The following SH3BGRL2 variants were observed in gnomAD, a reference collection of about 807,000 sequenced individuals.
SH3BGRL2 encodes SH3 domain binding glutamate rich protein like 2.
A neutral mutation model predicts 14.8 loss-of-function variants in SH3BGRL2; 21 were observed. The ratio of observed to expected loss-of-function variants is 1.42; its 90% CI spans 1.01 to 2.05. The LOEUF is 2.05. Ranked by LOEUF, SH3BGRL2 falls within the 30% of genes most tolerant of loss-of-function variation. The pLI, the probability that SH3BGRL2 is intolerant of heterozygous loss-of-function variation, is 0.00. For synonymous variants in SH3BGRL2, 50 were observed against 47.8 expected, an observed-to-expected ratio of 1.05 and a Z score of -0.19; for missense variants, 147 against 130.8, an observed-to-expected ratio of 1.12 and a Z score of -0.61.
the SH3BGRL2 span, among the ~76,000 whole-genome samples, chr6:79,560,691 A>G: frequency 3.3e-5 from 5 of 152,178 alleles, no homozygotes; most frequent in Non-Finnish European, 7.4e-5. Flanking sequence ...TTCAGTTCAC[A>G]TGGCATATGT....
At chr6:79,673,846 A>G (rs1230252149) in intron 2 of SH3BGRL2, 47 bp downstream of exon 2, 1 of 1,570,550 alleles carries the variant, frequency 6.4e-7, no homozygotes. Context: ...ATTGTTCAGA[A>G]CACATGCCAC....
At chr6:79,688,059 A>G (rs556245752) in intron 2 of SH3BGRL2, among the ~76,000 whole-genome samples, 2 of 152,316 alleles carry the variant, frequency 1.3e-5, no homozygotes, top group African/African-American at 4.8e-5. Flanking sequence ...GAGTGCACAG[A>G]TAATGTCCTT....
At chr6:79,678,760 G>C (rs942478173) in intron 2 of SH3BGRL2, among the ~76,000 whole-genome samples, 26 of 152,214 alleles carry the variant, frequency 1.7e-4, no homozygotes, top group African/African-American at 5.8e-4. Context: ...GTTTTTTGAC[G>C]CATATCCCCT....
intron 1 of SH3BGRL2, among the ~76,000 whole-genome samples, chr6:79,656,067 A>G (rs1201616587): frequency 6.6e-6 from 1 of 152,252 alleles, no homozygotes; most frequent in Non-Finnish European, 1.5e-5. Context: ...AAGCAGAGGC[A>G]TGAAATCATC....
the SH3BGRL2 span, among the ~76,000 whole-genome samples, chr6:79,540,436 AAAATAAAT>A: frequency 2.4e-3 from 370 of 151,482 alleles, no homozygotes; most frequent in African/African-American, 8.6e-3. Flanking sequence ...TTCCGTCTCA[AAAATAAAT>A]AAATAAATAA....
intron 1 of SH3BGRL2, among the ~76,000 whole-genome samples, chr6:79,662,377 A>G (rs182540265): frequency 7.9e-5 from 12 of 152,186 alleles, no homozygotes; most frequent in African/African-American, 2.6e-4. Flanking sequence ...CTTGTCTGTA[A>G]AGGATTTTAT....
the SH3BGRL2 span, among the ~76,000 whole-genome samples, chr6:79,610,527 C>A: frequency 6.6e-6 from 1 of 152,088 alleles, no homozygotes; most frequent in Non-Finnish European, 1.5e-5. Context: ...TGAATATGGT[C>A]CTTTGTTATA....
chr6:79,583,282 G>A, the SH3BGRL2 span, among the ~76,000 whole-genome samples: 12,613 of 152,170 alleles, frequency 0.083, 702 homozygotes, highest in Non-Finnish European at 0.12. Context: ...CCATTACTGG[G>A]TATATACCCA....
the SH3BGRL2 span, among the ~76,000 whole-genome samples, chr6:79,548,368 A>G: frequency 3.3e-5 from 5 of 152,092 alleles, no homozygotes; most frequent in African/African-American, 4.8e-5. Context: ...CTTAAATGTG[A>G]TTATTATTTT....
In SH3BGRL2 at chr6:79,699,691, C is replaced by A; in HGVS notation, c.*182C>A. 2.5e-6 allele frequency: 2 copies of A among 813,756 alleles called. No individual in the cohort carries two copies. Among genetic ancestry groups the A allele is most frequent in the Non-Finnish European group, 1.7e-6 (1 of 573,510 alleles). 50.4% of individuals were successfully genotyped at this position (813,756 alleles called of 1,614,324 possible). ...TGAGAATTGCATGATTGCTTTAAACCAAATCAGGTGGTGGATTTTTTTTTT... is the reference window on the plus strand; with the variant it reads ...TGAGAATTGCATGATTGCTTTAAACAAAATCAGGTGGTGGATTTTTTTTTT... On this transcript the variant is annotated 3_prime_UTR_variant, in exon 4 of 4. Coordinates refer to ENST00000369838, the MANE Select transcript of SH3BGRL2 (RefSeq NM_031469.4).
chr6:79,551,366 CTTT>C, the SH3BGRL2 span, among the ~76,000 whole-genome samples: 1 of 152,166 alleles, frequency 6.6e-6, no homozygotes, highest in Non-Finnish European at 1.5e-5. Context: ...CATCTGGGAT[CTTT>C]TTGGTCAAGA....
the SH3BGRL2 span, among the ~76,000 whole-genome samples, chr6:79,593,534 G>A: frequency 6.8e-4 from 103 of 152,296 alleles, no homozygotes; most frequent in South Asian, 6.0e-3. Context: ...ATAGACATGG[G>A]ACCTCTAAGG....
At chr6:79,686,019 T>TG (rs1358460599) in intron 2 of SH3BGRL2, among the ~76,000 whole-genome samples, 1 of 152,224 alleles carries the variant, frequency 6.6e-6, no homozygotes, top group Non-Finnish European at 1.5e-5. Flanking sequence ...CATTCTTAAT[T>TG]GATCATTTTG....
At chr6:79,635,252 C>T (rs764021914) in intron 1 of SH3BGRL2, among the ~76,000 whole-genome samples, 6 of 152,242 alleles carry the variant, frequency 3.9e-5, no homozygotes, top group East Asian at 1.9e-4. Context: ...TAGAGTTGGA[C>T]GGAAACCTAA....
chr6:79,694,715 C>T (rs1770294659), intron 2 of SH3BGRL2, among the ~76,000 whole-genome samples: 1 of 152,118 alleles, frequency 6.6e-6, no homozygotes, highest in African/African-American at 2.4e-5. Flanking sequence ...CCAGAAAGTT[C>T]AGAGCCACTT....
chr6:79,632,694 A>G (rs751093862), intron 1 of SH3BGRL2, among the ~76,000 whole-genome samples: 9 of 152,244 alleles, frequency 5.9e-5, no homozygotes, highest in African/African-American at 1.4e-4. Context: ...GGAAAATCCA[A>G]CTTACACTTA....
At chr6:79,682,317 T>A (rs985371297) in intron 2 of SH3BGRL2, among the ~76,000 whole-genome samples, 2 of 152,144 alleles carry the variant, frequency 1.3e-5, no homozygotes, top group African/African-American at 4.8e-5. Context: ...ATTTATTTAT[T>A]TTGAGATGGA....
chr6:79,543,543 C>A, the SH3BGRL2 span, among the ~76,000 whole-genome samples: 1 of 152,176 alleles, frequency 6.6e-6, no homozygotes, highest in African/African-American at 2.4e-5. Flanking sequence ...CAGGATAAGG[C>A]ATTCTTTTTT....
intron 2 of SH3BGRL2, among the ~76,000 whole-genome samples, chr6:79,693,410 G>T (rs889615140): frequency 1.3e-5 from 2 of 151,548 alleles, no homozygotes; most frequent in Non-Finnish European, 2.9e-5. Context: ...TAGGAGTGGT[G>T]AGAGAGGGCA....
Sources: gnomAD v4.1 joint callset for allele counts (sites outside exome capture counted in the v4.1 genomes callset) on GRCh38, gnomAD v4.1.1 for gene constraint, MANE v1.5 for transcripts, NCBI Gene and HGNC (gene_info 2026-07-23, HGNC 2026-07-21) for gene names.